The following ATM variants were observed in gnomAD, a reference collection of about 807,000 sequenced individuals.
The protein encoded by ATM is serine-protein kinase ATM.
A neutral mutation model predicts 387.0 loss-of-function variants in ATM; 308 were observed. That is an observed-to-expected ratio of 0.80 (90% CI 0.73 to 0.87). The LOEUF is 0.87. ATM is among the 40% of genes least tolerant of loss of function. The probability of loss-of-function intolerance (pLI) is 0.00; values close to 1 mark genes in which losing one functional copy is unlikely to be tolerated. For missense variants in ATM, 3,312 were observed against 3,560.9 expected, an observed-to-expected ratio of 0.93 and a Z score of 1.78; for synonymous variants, 1,156 against 1,187.3, an observed-to-expected ratio of 0.97 and a Z score of 0.54.
At chr11:108,356,365 G>C (rs190711723) in intron 61 of ATM, among the ~76,000 whole-genome samples, 14 of 152,022 alleles carry the variant, frequency 9.2e-5, no homozygotes, top group Admixed American at 2.6e-4. Context: ...GTGAAACCCC[G>C]TCTCTAATAA....
intron 3 of ATM, among the ~76,000 whole-genome samples, chr11:108,228,950 G>A (rs945148679): frequency 2.6e-5 from 4 of 152,192 alleles, no homozygotes; most frequent in African/African-American, 9.6e-5. Flanking sequence ...TAAAGCAATA[G>A]AAAGTCATAG....
At chr11:108,265,549 T>A (rs2081180030) in intron 16 of ATM, among the ~76,000 whole-genome samples, 1 of 150,434 alleles carries the variant, frequency 6.6e-6, no homozygotes, top group Non-Finnish European at 1.5e-5. Context: ...AACCTAGGCA[T>A]TACCATTCAG....
chr11:108,312,498 G>T lies in ATM; in HGVS notation c.6006G>T (p.Gln2002His). 6.5e-7 allele frequency: 1 copy of T among 1,549,278 alleles called. No homozygotes were observed. Among genetic ancestry groups the T allele is most frequent in the South Asian group, 1.1e-5 (1 of 89,662 alleles). Residue 2002 changes from glutamine (Q) to histidine (H), a missense_variant and splice_region_variant, in exon 40 of 63, where the codon CAG (glutamine) becomes CAT (histidine). Physicochemically the swap from Gln to His is conservative, Grantham distance 24 (BLOSUM62 0). Around this residue, in one of 4 missense-constraint regions of ATM, gnomAD observed 1,405 missense variants for 1,604.4 expected, o/e 0.88. Transcript: ENST00000675843. ...AAGAAGAAACTGGAATAAGTTTACA[G>T]GTAAATATTAGAGGCTCTATTATTT... ...KSKEETGISL[Q>H]DLLLEIYRSI...
intron 13 of ATM, among the ~76,000 whole-genome samples, chr11:108,254,834 A>G: frequency 6.6e-6 from 1 of 152,012 alleles, no homozygotes; most frequent in Non-Finnish European, 1.5e-5. Context: ...TTTTTAGTAG[A>G]GATGGGGTTT....
At chr11:108,277,743 A>G (rs1051659484) in intron 22 of ATM, among the ~76,000 whole-genome samples, 17 of 152,308 alleles carry the variant, frequency 1.1e-4, no homozygotes, top group Admixed American at 1.0e-3. Context: ...GAGATGAGCC[A>G]TCTACCTCAG....
chr11:108,357,674 A>C (rs1442699538), intron 61 of ATM, among the ~76,000 whole-genome samples: 2 of 152,158 alleles, frequency 1.3e-5, no homozygotes, highest in East Asian at 1.9e-4. Flanking sequence ...GGCACCCCCC[A>C]GCAGGGGCAC....
At chr11:108,273,554 C>T (rs1485928427) in intron 22 of ATM, among the ~76,000 whole-genome samples, 1 of 151,922 alleles carries the variant, frequency 6.6e-6, no homozygotes, top group African/African-American at 2.4e-5. Context: ...GTTGGCCAGG[C>T]TGGTCTTGAA....
rs751491395 is a variant in ATM at position 108,303,040 on chromosome 11, T to G, written c.5496+11T>G. On this transcript the variant is annotated intron_variant, in intron 36 of 62. Transcript: ENST00000675843. The stretch of plus-strand genomic sequence containing the variant: ...AAGCCAATGTGTGAAGTAAGAAGAT[T>G]AATTAGTCTGATATAATTCCTTGTT... The G allele has an allele frequency of 1.9e-6, 3 of 1,604,350 alleles. No individual in the cohort carries two copies. Among genetic ancestry groups the G allele is most frequent in the Admixed American group, 1.7e-5 (1 of 59,986 alleles).
intron 37 of ATM, among the ~76,000 whole-genome samples, chr11:108,306,556 G>C (rs2083702284): frequency 6.6e-6 from 1 of 152,034 alleles, no homozygotes; most frequent in Non-Finnish European, 1.5e-5. Flanking sequence ...TATCACTTAT[G>C]TATTTATGTC....
intron 16 of ATM, among the ~76,000 whole-genome samples, chr11:108,259,705 C>T (rs1334326767): frequency 6.6e-6 from 1 of 152,062 alleles, no homozygotes; most frequent in East Asian, 1.9e-4. Context: ...ATTATTTGTT[C>T]TTTAAAAGTG....
chr11:108,349,164 G>T (rs571000243), intron 59 of ATM, among the ~76,000 whole-genome samples: 2 of 152,308 alleles, frequency 1.3e-5, no homozygotes, highest in Admixed American at 1.3e-4. Flanking sequence ...GATCTTGGAA[G>T]GCAAGAGGGG....
intron 56 of ATM, among the ~76,000 whole-genome samples, chr11:108,337,063 A>T (rs1352203673): frequency 4.6e-5 from 7 of 152,186 alleles, no homozygotes; most frequent in Non-Finnish European, 1.0e-4. Context: ...TAATGGCTAA[A>T]TTAAAAGCCC....
In ATM at chr11:108,247,011, G is replaced by A. The variant is rs1445292591; in HGVS notation, c.949G>A (p.Asp317Asn). The A allele has an allele frequency of 2.5e-6, 4 of 1,612,958 alleles. No individual in the cohort carries two copies. Among genetic ancestry groups the A allele is most frequent in the South Asian group, 1.1e-5 (1 of 91,008 alleles). ...KWRSILYNLY[D>N]LLVNEISHIG... ...GAGAAGTATTTTATACAACTTATAT[G>A]ATCTGCTAGTGAATGAGATAAGTCA... The change falls in exon 8 of 63, where the codon GAT becomes AAT. Residue 317 changes from aspartate to asparagine, a missense_variant. This residue lies in a region of ATM where 1,791 missense variants were observed against 1,804.5 expected (regional missense o/e 0.99). Coordinates refer to ENST00000675843, the MANE Select transcript of ATM (RefSeq NM_000051.4).
rs562412072 is a variant in ATM, at chr11:108,228,325, CA to C, written c.185+443del. Among the ~76,000 whole-genome samples the C allele has an allele frequency of 5.0e-3, 764 of 152,108 alleles. 13 individuals carry two copies. Among genetic ancestry groups the C allele is most frequent in the African/African-American group, 0.018 (729 of 41,526 alleles). ...ACTTGTGTATGAATTTGGTTAAAAA[CA>C]AAAAATACCTCGAACAATGAAAAAA... On this transcript the variant is annotated intron_variant, in intron 3 of 62. Transcript: ENST00000675843.
At chr11:108,345,051 A>G (rs1218817156) in intron 57 of ATM, among the ~76,000 whole-genome samples, 1 of 152,042 alleles carries the variant, frequency 6.6e-6, no homozygotes, top group Non-Finnish European at 1.5e-5. Context: ...AGTGCCTCCC[A>G]GTTTTCTGTT....
chr11:108,278,717 C>T (rs1313337959), intron 22 of ATM, among the ~76,000 whole-genome samples: 1 of 151,922 alleles, frequency 6.6e-6, no homozygotes, highest in East Asian at 1.9e-4. Context: ...TAATAACCAG[C>T]CCTTGTGGGA....
At chr11:108,245,146 T>C (rs2079781710) in intron 7 of ATM, 120 bp downstream of exon 7, 2 of 838,236 alleles carry the variant, frequency 2.4e-6, no homozygotes, top group African/African-American at 3.4e-5. Flanking sequence ...TGGTTGATAA[T>C]GTTACTTAGC....
intron 22 of ATM, among the ~76,000 whole-genome samples, chr11:108,273,974 A>G (rs1326902720): frequency 6.6e-6 from 1 of 152,194 alleles, no homozygotes; most frequent in African/African-American, 2.4e-5. Context: ...TACCCCTGGT[A>G]GAATTCGGCT....
intron 22 of ATM, among the ~76,000 whole-genome samples, chr11:108,277,678 A>C (rs1301038759): frequency 6.6e-6 from 1 of 152,004 alleles, no homozygotes; most frequent in Non-Finnish European, 1.5e-5. Flanking sequence ...GCTACACCCC[A>C]CCCTGCTTTG....
Sources: allele counts gnomAD v4.1 joint callset (sites outside exome capture counted in the v4.1 genomes callset), GRCh38; gene constraint gnomAD v4.1.1; regional missense constraint gnomAD v4.1.1; transcripts MANE v1.5; gene names NCBI Gene and HGNC (gene_info 2026-07-23, HGNC 2026-07-21).